Variants in GALNT17 observed in about 807,000 individuals in gnomAD.
GALNT17 encodes polypeptide N-acetylgalactosaminyltransferase 17.
In GALNT17, 29 loss-of-function variants were observed where a neutral mutation model predicts 63.7. The ratio of observed to expected loss-of-function variants is 0.46; its 90% CI spans 0.34 to 0.62. The LOEUF (loss-of-function observed/expected upper bound fraction) is 0.62, where lower values mean the gene tolerates loss of function less well. Ranked by LOEUF, GALNT17 falls within the 20% of genes least tolerant of loss-of-function variation. GALNT17 has a pLI of 0.01. For synonymous variants in GALNT17, 305 were observed against 318.3 expected, an observed-to-expected ratio of 0.96 and a Z score of 0.45; for missense variants, 603 against 799.6, an observed-to-expected ratio of 0.75 and a Z score of 2.97.
chr7:71,544,124 C>CTTTTT (rs60144462), intron 5 of GALNT17, among the ~76,000 whole-genome samples: 11 of 132,440 alleles, frequency 8.3e-5, no homozygotes, highest in South Asian at 2.5e-4. Flanking sequence ...TTTCTTTTTT[C>CTTTTT]TTTTTTTTTT....
chr7:71,356,757 A>C (rs537374006), intron 2 of GALNT17, among the ~76,000 whole-genome samples: 2 of 152,234 alleles, frequency 1.3e-5, no homozygotes, highest in African/African-American at 4.8e-5. Flanking sequence ...AATATCCAAA[A>C]CATAGCATAT....
chr7:71,351,412 T>C (rs1365271160), intron 2 of GALNT17, among the ~76,000 whole-genome samples: 1 of 152,056 alleles, frequency 6.6e-6, no homozygotes, highest in African/African-American at 2.4e-5. Context: ...TTCAAGTCCA[T>C]CTGGAACCTC....
rs1791164446 is a variant in GALNT17 at position 71,677,215 on chromosome 7, GCAA to G, written c.1416_1418del (p.Asn472del). 2.5e-6 allele frequency: 4 copies of G among 1,613,804 alleles called. No homozygotes were observed. Among genetic ancestry groups the G allele is most frequent in the Non-Finnish European group, 3.4e-6 (4 of 1,179,866 alleles). ...GTGTTTTGTCTATTCTTGCAGCTTC[GCAA>G]CAACAAGGCAAAAGACGTCTGCTTG... On this transcript the variant is annotated inframe_deletion, in exon 9 of 11. Transcript: ENST00000333538.
At chr7:71,417,787 CA>C (rs768568936) in intron 4 of GALNT17, among the ~76,000 whole-genome samples, 1 of 152,168 alleles carries the variant, frequency 6.6e-6, no homozygotes, top group Non-Finnish European at 1.5e-5. Context: ...TCTTTCCTTT[CA>C]AAACTGAAAG....
chr7:71,443,313 A>T (rs1787101439), intron 5 of GALNT17, among the ~76,000 whole-genome samples: 1 of 151,962 alleles, frequency 6.6e-6, no homozygotes, highest in Non-Finnish European at 1.5e-5. Context: ...GGGAAGCATG[A>T]CGGTCTTTAC....
intron 3 of GALNT17, among the ~76,000 whole-genome samples, chr7:71,389,108 C>T (rs1793004166): frequency 6.6e-6 from 1 of 151,956 alleles, no homozygotes; most frequent in Non-Finnish European, 1.5e-5. Flanking sequence ...TTGTGAACTG[C>T]ACAAGCAAGT....
intron 3 of GALNT17, 60 bp downstream of exon 3, chr7:71,388,461 C>A: frequency 6.4e-7 from 1 of 1,561,964 alleles, no homozygotes; most frequent in African/African-American, 1.4e-5. Context: ...ATGCCACTTT[C>A]ATTCCAACGC....
intron 6 of GALNT17, among the ~76,000 whole-genome samples, chr7:71,607,837 A>T (rs1334292583): frequency 6.6e-6 from 1 of 152,184 alleles, no homozygotes; most frequent in Non-Finnish European, 1.5e-5. Flanking sequence ...TGTGAACCAG[A>T]CTTCCTTCTT....
At chr7:71,154,332 T>G (rs937353089) in intron 1 of GALNT17, among the ~76,000 whole-genome samples, 2 of 152,138 alleles carry the variant, frequency 1.3e-5, no homozygotes, top group Admixed American at 6.5e-5. Context: ...ACTCCATCTT[T>G]CCAGCCTCCC....
chr7:71,501,776 C>A (rs1788184458), intron 5 of GALNT17, among the ~76,000 whole-genome samples: 1 of 152,132 alleles, frequency 6.6e-6, no homozygotes, highest in South Asian at 2.1e-4. Flanking sequence ...TTTTGCTACT[C>A]CCCCAAACAT....
chr7:71,528,832 T>A (rs563524806), intron 5 of GALNT17, among the ~76,000 whole-genome samples: 1 of 152,040 alleles, frequency 6.6e-6, no homozygotes, highest in Non-Finnish European at 1.5e-5. Context: ...ATTTTTACAG[T>A]GGTTAAAAAA....
chr7:71,384,673 A>C (rs1792908193), intron 2 of GALNT17, among the ~76,000 whole-genome samples: 1 of 152,166 alleles, frequency 6.6e-6, no homozygotes, highest in African/African-American at 2.4e-5. Context: ...GCCCGGTAGG[A>C]ATTTGCAGAG....
intron 1 of GALNT17, among the ~76,000 whole-genome samples, chr7:71,221,316 T>C (rs1217449994): frequency 2.6e-5 from 4 of 152,102 alleles, no homozygotes; most frequent in Admixed American, 2.6e-4. Flanking sequence ...ACATTTTCTT[T>C]ATCCAATCTG....
chr7:71,686,286 G>A (rs1338528449), intron 9 of GALNT17, among the ~76,000 whole-genome samples: 1 of 151,812 alleles, frequency 6.6e-6, no homozygotes, highest in Non-Finnish European at 1.5e-5. Context: ...AATTTTGCAG[G>A]TTTTAGCAAG....
intron 1 of GALNT17, among the ~76,000 whole-genome samples, chr7:71,294,168 A>AT (rs910256614): frequency 6.6e-6 from 1 of 151,570 alleles, no homozygotes; most frequent in Non-Finnish European, 1.5e-5. Flanking sequence ...TCTCAAAAAA[A>AT]AAAAAAATTC....
At chr7:71,339,700 A>AG (rs1379461393) in intron 2 of GALNT17, among the ~76,000 whole-genome samples, 1 of 151,938 alleles carries the variant, frequency 6.6e-6, no homozygotes. Flanking sequence ...AAAAAAAAAA[A>AG]AGGAAAATTG....
intron 6 of GALNT17, among the ~76,000 whole-genome samples, chr7:71,624,393 G>A (rs981873240): frequency 6.6e-6 from 1 of 152,136 alleles, no homozygotes; most frequent in Non-Finnish European, 1.5e-5. Context: ...CTGTGAGGCC[G>A]GTGCGTTCAT....
chr7:71,482,172 C>T (rs1313957796), intron 5 of GALNT17, among the ~76,000 whole-genome samples: 5 of 127,578 alleles, frequency 3.9e-5, no homozygotes, highest in African/African-American at 5.9e-5. Flanking sequence ...TTTTTTGAGA[C>T]GGAGTCTCGC....
At chr7:71,134,595 G>A (rs1406985429) in intron 1 of GALNT17, among the ~76,000 whole-genome samples, 1 of 152,044 alleles carries the variant, frequency 6.6e-6, no homozygotes, top group African/African-American at 2.4e-5. Flanking sequence ...TGACTGTCAG[G>A]GTAGCCCACG....
Sources: allele counts gnomAD v4.1 joint callset (sites outside exome capture counted in the v4.1 genomes callset), GRCh38; gene constraint gnomAD v4.1.1; transcripts MANE v1.5; gene names NCBI Gene and HGNC (gene_info 2026-07-23, HGNC 2026-07-21).